The following RPS6KC1 variants were observed in gnomAD, a reference collection of about 807,000 sequenced individuals.
RPS6KC1 encodes the protein ribosomal protein S6 kinase C1, also known as inactive ribosomal protein S6 kinase delta-1.
A neutral mutation model predicts 103.8 loss-of-function variants in RPS6KC1; 54 were observed. The observed-to-expected ratio is 0.52, with a 90% CI of 0.42 to 0.65. The LOEUF is 0.65. RPS6KC1 is among the 30% of genes least tolerant of loss of function. RPS6KC1 has a pLI of 0.00. For synonymous variants in RPS6KC1, 439 were observed against 438.7 expected, an observed-to-expected ratio of 1.00 and a Z score of -0.01; for missense variants, 1,151 against 1,253.8, an observed-to-expected ratio of 0.92 and a Z score of 1.24.
intron 6 of RPS6KC1, among the ~76,000 whole-genome samples, chr1:213,151,454 C>T (rs868764287): frequency 1.4e-3 from 176 of 129,316 alleles, no homozygotes; most frequent in African/African-American, 4.0e-3. Context: ...CCGGATGGGG[C>T]GGCTGGCCGG....
chr1:213,092,232 G>A (rs1416464195), intron 3 of RPS6KC1, among the ~76,000 whole-genome samples: 1 of 152,130 alleles, frequency 6.6e-6, no homozygotes, highest in African/African-American at 2.4e-5. Flanking sequence ...GAGAACACAC[G>A]TACACACATA....
chr1:213,497,423 T>G, the RPS6KC1 span, among the ~76,000 whole-genome samples: 1 of 150,120 alleles, frequency 6.7e-6, no homozygotes, highest in Non-Finnish European at 1.5e-5. Flanking sequence ...AAATAACAAT[T>G]AAACCCCATC....
the RPS6KC1 span, among the ~76,000 whole-genome samples, chr1:213,514,553 A>G: frequency 6.6e-6 from 1 of 152,104 alleles, no homozygotes. Flanking sequence ...TACAAAGGAC[A>G]TGAACTCATC....
the RPS6KC1 span, among the ~76,000 whole-genome samples, chr1:213,647,192 T>C: frequency 1.3e-5 from 2 of 152,156 alleles, no homozygotes; most frequent in Admixed American, 6.5e-5. Flanking sequence ...ATTACAGGTA[T>C]GAGCCACCAC....
the RPS6KC1 span, among the ~76,000 whole-genome samples, chr1:213,328,126 G>T: frequency 6.6e-6 from 1 of 152,194 alleles, no homozygotes; most frequent in Non-Finnish European, 1.5e-5. Flanking sequence ...AGGATTGCCT[G>T]TATGTTTCAA....
intron 1 of RPS6KC1, among the ~76,000 whole-genome samples, chr1:213,061,138 C>T (rs371661154): frequency 2.0e-5 from 3 of 152,236 alleles, no homozygotes; most frequent in African/African-American, 4.8e-5. Flanking sequence ...ACCTGATTAC[C>T]TCTGGAAGGC....
At chr1:213,075,892 C>G (rs961322169) in intron 2 of RPS6KC1, among the ~76,000 whole-genome samples, 2 of 152,216 alleles carry the variant, frequency 1.3e-5, no homozygotes, top group Non-Finnish European at 2.9e-5. Context: ...CTTCAGGACT[C>G]TCTAAGGTAG....
intron 6 of RPS6KC1, among the ~76,000 whole-genome samples, chr1:213,131,616 G>A (rs1284104331): frequency 3.9e-5 from 6 of 152,024 alleles, no homozygotes; most frequent in Middle Eastern, 3.2e-3. Flanking sequence ...ACTAATTTTT[G>A]TATTTTTAGC....
intron 10 of RPS6KC1, 94 bp downstream of exon 10, chr1:213,232,349 T>C: frequency 1.3e-6 from 2 of 1,490,454 alleles, no homozygotes; most frequent in Non-Finnish European, 1.9e-6. Context: ...ATAGAATATA[T>C]GAAACACGTT....
At position 213,104,475 on chromosome 1, in the gene RPS6KC1, T is replaced by C. The variant is rs1266002945; in HGVS notation, c.284T>C (p.Ile95Thr). The C allele has an allele frequency of 2.5e-6, 4 of 1,611,052 alleles. No individual in the cohort carries two copies. Among genetic ancestry groups the C allele is most frequent in the Admixed American group, 1.7e-5 (1 of 59,898 alleles). The change falls in exon 4 of 15, where the codon ATC (isoleucine) becomes ACC (threonine). Residue 95 changes from isoleucine (I) to threonine (T), a missense_variant. This residue lies in a region of RPS6KC1 where 959 missense variants were observed against 1,006.3 expected (regional missense o/e 0.95). Transcript: ENST00000366960. ...GTAGGGCGATTTGATGAAACTGTTATCGAAGAGAGAAGACAATGTGCTGAA... is the reference window on the plus strand; with the variant it reads ...GTAGGGCGATTTGATGAAACTGTTACCGAAGAGAGAAGACAATGTGCTGAA... The part of the protein sequence containing the change: ...IVFGRFDETV[I>T]EERRQCAEDL...
intron 2 of RPS6KC1, among the ~76,000 whole-genome samples, chr1:213,077,477 C>CT (rs2079448626): frequency 6.6e-6 from 1 of 152,024 alleles, no homozygotes; most frequent in Non-Finnish European, 1.5e-5. Flanking sequence ...TATATTTTTA[C>CT]TTTATTTTAT....
the RPS6KC1 span, among the ~76,000 whole-genome samples, chr1:213,673,261 A>G: frequency 6.6e-6 from 1 of 152,248 alleles, no homozygotes; most frequent in Non-Finnish European, 1.5e-5. Context: ...ATAAGCTGGA[A>G]TAAGTCAGGA....
the RPS6KC1 span, among the ~76,000 whole-genome samples, chr1:213,477,491 A>G: frequency 2.3e-4 from 35 of 152,136 alleles, no homozygotes. Context: ...AGAAGTGTAA[A>G]TGTTTATGAT....
chr1:213,715,592 A>G, the RPS6KC1 span, among the ~76,000 whole-genome samples: 5 of 152,266 alleles, frequency 3.3e-5, no homozygotes, highest in African/African-American at 1.2e-4. Context: ...TTCATATCTT[A>G]GCTGTCTGAA....
chr1:213,184,781 C>T (rs191231065), intron 8 of RPS6KC1, among the ~76,000 whole-genome samples: 27 of 152,068 alleles, frequency 1.8e-4, no homozygotes, highest in Non-Finnish European at 3.5e-4. Flanking sequence ...GTTTAATTTC[C>T]GTGTGTTTCT....
At chr1:213,541,808 A>G in the RPS6KC1 span, among the ~76,000 whole-genome samples, 1 of 152,166 alleles carries the variant, frequency 6.6e-6, no homozygotes, top group African/African-American at 2.4e-5. Context: ...CCATGAACAG[A>G]TGGCATGAAA....
intron 5 of RPS6KC1, among the ~76,000 whole-genome samples, chr1:213,117,925 G>A (rs1438370536): frequency 6.7e-6 from 1 of 148,988 alleles, no homozygotes; most frequent in African/African-American, 2.5e-5. Context: ...GGGAGGCTGA[G>A]GCACAAGAAT....
the RPS6KC1 span, among the ~76,000 whole-genome samples, chr1:213,489,892 G>A: frequency 2.6e-5 from 4 of 152,212 alleles, no homozygotes; most frequent in Admixed American, 2.6e-4. Context: ...GGTGGAGAAG[G>A]AGTTTTGGGG....
At chr1:213,147,406 C>T (rs2088004635) in intron 6 of RPS6KC1, among the ~76,000 whole-genome samples, 1 of 152,170 alleles carries the variant, frequency 6.6e-6, no homozygotes, top group Non-Finnish European at 1.5e-5. Context: ...TTTCATTCTT[C>T]TGCATATGGG....
Sources: gnomAD v4.1 joint callset for allele counts (sites outside exome capture counted in the v4.1 genomes callset) on GRCh38, gnomAD v4.1.1 for gene constraint, gnomAD v4.1.1 regional missense constraint, MANE v1.5 for transcripts, NCBI Gene and HGNC (gene_info 2026-07-23, HGNC 2026-07-21) for gene names.